Variants in INVS observed in about 807,000 individuals in gnomAD.
INVS encodes inversion of embryo turning homolog.
INVS carries 86 observed loss-of-function variants against 108.8 expected under a neutral mutation model. That is an observed-to-expected ratio of 0.79 (90% confidence interval 0.66 to 0.95). INVS has a LOEUF of 0.95. Among genes scored for constraint, INVS ranks in the 40% least tolerant of loss-of-function variants. The pLI is 0.00. For missense variants in INVS, 1,169 were observed against 1,297.4 expected (o/e 0.90, Z 1.52); for synonymous variants, 455 against 473.5 (o/e 0.96, Z 0.51).
At chr9:100,153,338 A>G (rs879932104) in intron 3 of INVS, among the ~76,000 whole-genome samples, 18 of 152,126 alleles carry the variant, frequency 1.2e-4, no homozygotes, top group Admixed American at 3.9e-4. Flanking sequence ...CTCCTCATAT[A>G]TAAGGTGGAG....
intron 2 of INVS, among the ~76,000 whole-genome samples, chr9:100,111,232 A>G (rs1827328290): frequency 6.6e-6 from 1 of 152,106 alleles, no homozygotes; most frequent in Non-Finnish European, 1.5e-5. Flanking sequence ...AATAGAGACT[A>G]CTCTTGTTAC....
At chr9:100,239,951 A>G in intron 5 of INVS, 109 bp from the exon 6 acceptor site, 1 of 1,009,200 alleles carries the variant, frequency 9.9e-7, no homozygotes, top group Non-Finnish European at 1.5e-6. Flanking sequence ...CCTGGGTGAC[A>G]GAACAAGACC....
chr9:100,300,583 G>GTA lies in INVS; in HGVS notation c.3110_3111dup (p.His1038TyrfsTer69). Reference sequence around the variant, plus strand: ...TTTTTAACAGTGAGCAACCTACAGTGTATACATCTCCTTGAGAACAGTGGA... The same window carrying GTA: ...TTTTTAACAGTGAGCAACCTACAGTGTATATACATCTCCTTGAGAACAGTGGA... On this transcript the variant is annotated frameshift_variant, in exon 17 of 17. Transcript: ENST00000262457. LOFTEE classifies it high-confidence loss of function. 1.9e-6 allele frequency: 3 copies of GTA among 1,610,772 alleles called. No homozygotes were observed. The South Asian group carries it at 3.3e-5, about 18-fold the overall frequency.
chr9:100,279,818 A>G (rs1440274027), intron 12 of INVS, among the ~76,000 whole-genome samples: 2 of 152,200 alleles, frequency 1.3e-5, no homozygotes, highest in South Asian at 2.1e-4. Flanking sequence ...CTGGTTCTGC[A>G]GTGTCTGATA....
At position 100,261,364 on chromosome 9, in the gene INVS, C is replaced by T. The variant is rs1319671663; in HGVS notation, c.1465-3458C>T. ...CACTGCAAGCTCCACCTCCCGGGTTCGCGCCATTCTTCTTGCTTAGCCTTC... is the reference window on the plus strand; with the variant it reads ...CACTGCAAGCTCCACCTCCCGGGTTTGCGCCATTCTTCTTGCTTAGCCTTC... On this transcript the variant is annotated intron_variant, in intron 10 of 16. Transcript: ENST00000262457. 5.3e-5 allele frequency among the ~76,000 whole-genome samples: 8 copies of T among 150,514 alleles called. No individual in the cohort carries two copies. In the East Asian group the frequency reaches 7.9e-4, roughly 15 times the overall value.
At chr9:100,100,623 T>C (rs71503729) in intron 1 of INVS, among the ~76,000 whole-genome samples, 2,104 of 72,774 alleles carry the variant, frequency 0.029, 119 homozygotes, top group Non-Finnish European at 0.038. Context: ...AATATATGTA[T>C]ATATAATATA....
chr9:100,136,295 T>A (rs1257730398), intron 3 of INVS, among the ~76,000 whole-genome samples: 1 of 152,222 alleles, frequency 6.6e-6, no homozygotes, highest in Admixed American at 6.5e-5. Flanking sequence ...GGAAAATTTT[T>A]AATAAATAAT....
At chr9:100,207,328 CT>C (rs963169032) in intron 3 of INVS, among the ~76,000 whole-genome samples, 1 of 152,094 alleles carries the variant, frequency 6.6e-6, no homozygotes, top group African/African-American at 2.4e-5. Flanking sequence ...GAGTCTCACT[CT>C]GTCACCCAGG....
chr9:100,106,225 T>A (rs1033539711), intron 2 of INVS, among the ~76,000 whole-genome samples: 3 of 152,086 alleles, frequency 2.0e-5, no homozygotes, highest in African/African-American at 7.3e-5. Flanking sequence ...TTCATCTTCC[T>A]GCTAAAACAG....
chr9:100,147,345 G>C (rs971181514), intron 3 of INVS, among the ~76,000 whole-genome samples: 1 of 152,140 alleles, frequency 6.6e-6, no homozygotes, highest in Admixed American at 6.5e-5. Flanking sequence ...GAATTGGTAA[G>C]CAACCTAGAG....
intron 2 of INVS, among the ~76,000 whole-genome samples, chr9:100,108,025 A>T (rs1827231080): frequency 6.6e-6 from 1 of 152,220 alleles, no homozygotes; most frequent in African/African-American, 2.4e-5. Flanking sequence ...GATTGGGACT[A>T]AATTCCATGA....
intron 3 of INVS, among the ~76,000 whole-genome samples, chr9:100,203,925 T>C (rs1429323816): frequency 1.3e-5 from 2 of 152,208 alleles, no homozygotes; most frequent in Non-Finnish European, 2.9e-5. Context: ...CTCTGAGAAG[T>C]TGCACAGTGA....
chr9:100,136,940 T>C (rs1408920577), intron 3 of INVS, among the ~76,000 whole-genome samples: 1 of 152,064 alleles, frequency 6.6e-6, no homozygotes, highest in Non-Finnish European at 1.5e-5. Context: ...TGCGGGAGGC[T>C]GAGGCAGGAG....
At chr9:100,231,963 C>A (rs750060116) in intron 5 of INVS, among the ~76,000 whole-genome samples, 66 of 152,292 alleles carry the variant, frequency 4.3e-4, no homozygotes, top group South Asian at 1.0e-3. Flanking sequence ...AATTTACACT[C>A]CACCAACAGT....
intron 16 of INVS, among the ~76,000 whole-genome samples, chr9:100,299,676 A>AGCCTTG (rs1833906865): frequency 7.5e-6 from 1 of 133,160 alleles, no homozygotes; most frequent in Non-Finnish European, 1.7e-5. Context: ...ACACACACAC[A>AGCCTTG]CACACCTGGG....
intron 7 of INVS, among the ~76,000 whole-genome samples, 163 bp from the exon 8 acceptor site, chr9:100,246,453 G>GA (rs1832051345): frequency 6.6e-6 from 1 of 152,170 alleles, no homozygotes. Context: ...ATCTTCGATG[G>GA]AAATTGTAGT....
chr9:100,100,588 TA>T (rs1192701130), intron 1 of INVS, among the ~76,000 whole-genome samples: 3 of 96,654 alleles, frequency 3.1e-5, no homozygotes, highest in African/African-American at 4.3e-5. Flanking sequence ...ATAATATATA[TA>T]ATATATGTAC....
At chr9:100,169,086 A>C (rs1829456710) in intron 3 of INVS, among the ~76,000 whole-genome samples, 1 of 152,246 alleles carries the variant, frequency 6.6e-6, no homozygotes, top group South Asian at 2.1e-4. Flanking sequence ...GTTAATAATG[A>C]AGTATGGATA....
intron 10 of INVS, among the ~76,000 whole-genome samples, chr9:100,255,583 G>A (rs539768610): frequency 3.9e-5 from 6 of 152,196 alleles, no homozygotes; most frequent in South Asian, 2.1e-4. Context: ...TTTGAGATAC[G>A]TCCCATCAAT....
Sources: gnomAD v4.1 joint callset for allele counts (sites outside exome capture counted in the v4.1 genomes callset) on GRCh38, gnomAD v4.1.1 for gene constraint, MANE v1.5 for transcripts, NCBI Gene and HGNC (gene_info 2026-07-23, HGNC 2026-07-21) for gene names.